The following RESP18 variants were observed in gnomAD, a reference collection of about 807,000 sequenced individuals.
The protein encoded by RESP18 is regulated endocrine-specific protein 18.
RESP18 carries 30 observed loss-of-function variants against 30.0 expected under a neutral mutation model. The observed-to-expected ratio is 1.00, with a 90% confidence interval of 0.75 to 1.36. The LOEUF (loss-of-function observed/expected upper bound fraction) is 1.36. Among genes scored for constraint, RESP18 ranks in the 40% most tolerant of loss-of-function variants. RESP18 has a pLI of 0.00. For missense variants in RESP18, 320 were observed against 284.2 expected (o/e 1.13, Z -0.91); for synonymous variants, 117 against 111.2 (o/e 1.05, Z -0.33).
In RESP18 at chr2:219,328,985, C is replaced by A. The variant is rs1422132752; in HGVS notation, c.579G>T (p.Gly193=). 6.4e-7 allele frequency: 1 copy of A among 1,551,116 alleles called. No homozygotes were observed. The highest frequency in any genetic ancestry group is 2.0e-5 in the Admixed American group (1 of 51,004). ...CCGGCGCCTGCATCATGTCCAGCCC[C>A]CCATATGAACACCTATAGGTAATCT... The change falls in exon 6 of 7, where the codon GGG becomes GGT. Residue 193 remains glycine, a synonymous_variant. Transcript: ENST00000333527.
chr2:219,330,918 C>A, intron 2 of RESP18, 43 bp from the exon 2 acceptor site: 1 of 1,133,924 alleles, frequency 8.8e-7, no homozygotes, highest in East Asian at 2.6e-5. Flanking sequence ...CTGGCCAGAG[C>A]CTTCCACATC....
intron 2 of RESP18, among the ~76,000 whole-genome samples, chr2:219,331,739 G>C (rs1952833486): frequency 6.6e-6 from 1 of 152,162 alleles, no homozygotes; most frequent in Non-Finnish European, 1.5e-5. Flanking sequence ...CCCGGAGCGC[G>C]CCTGGCGCTG....
chr2:219,330,740 C>T (rs994254254), intron 3 of RESP18, 31 bp downstream of exon 2: 32 of 1,423,306 alleles, frequency 2.2e-5, no homozygotes, highest in Non-Finnish European at 2.9e-5. Context: ...TCTAACCAGG[C>T]CCCAACCTCT....
In RESP18 at chr2:219,328,174, C is replaced by T. The variant is rs75639016; in HGVS notation, c.641-611G>A. The stretch of plus-strand genomic sequence containing the variant: ...CTTTTAAAATCATATCACGTTGTGA[C>T]ATTCCTTTCCTTAAAATTTCCCAGT... On this transcript the variant is annotated intron_variant, in intron 6 of 6. Coordinates refer to ENST00000333527, the MANE Select transcript of RESP18 (RefSeq NM_001007089.4). 4.3e-3 allele frequency among the ~76,000 whole-genome samples: 648 copies of T among 152,338 alleles called. 2 individuals are homozygous for T. The highest frequency in any genetic ancestry group is 0.015 in the African/African-American group (628 of 41,566).
chr2:219,331,653 A>G (rs1952832227), intron 2 of RESP18, among the ~76,000 whole-genome samples: 1 of 152,002 alleles, frequency 6.6e-6, no homozygotes, highest in African/African-American at 2.4e-5. Flanking sequence ...AGCTTCGGGA[A>G]GGGGAGCTGA....
chr2:219,329,781 TG>T lies in RESP18; in HGVS notation c.338-18del. On this transcript the variant is annotated intron_variant, in intron 3 of 6. Coordinates refer to ENST00000333527, the MANE Select transcript of RESP18 (RefSeq NM_001007089.4). ...AGAACAGACCTGCAGGATGAAAGGATGGGGGGTGAGTTGACACCTGAGACAC... is the reference window on the plus strand; with the variant it reads ...AGAACAGACCTGCAGGATGAAAGGATGGGGGTGAGTTGACACCTGAGACAC... 15 of 1,548,322 alleles carry T rather than the reference TG, an allele frequency of 9.7e-6. No homozygotes were observed. Among genetic ancestry groups the T allele is most frequent in the Non-Finnish European group, 1.3e-5 (15 of 1,144,456 alleles).
At chr2:219,330,277 G>T (rs565467439) in intron 3 of RESP18, among the ~76,000 whole-genome samples, 1 of 152,108 alleles carries the variant, frequency 6.6e-6, no homozygotes, top group Non-Finnish European at 1.5e-5. Flanking sequence ...ACTCAAGGAA[G>T]ATTTCCTAGC....
chr2:219,328,688 G>C (rs966551981), intron 6 of RESP18, among the ~76,000 whole-genome samples: 2 of 152,140 alleles, frequency 1.3e-5, no homozygotes, highest in Non-Finnish European at 2.9e-5. Context: ...TTCCATTCTG[G>C]ATTCTGAAGA....
Position 219,329,250 on chromosome 2 carries a change from G to C in RESP18, c.468C>G (p.Ser156Arg), listed in dbSNP as rs1336315170. 4 of 1,551,578 alleles carry C rather than the reference G, an allele frequency of 2.6e-6. No individual in the cohort carries two copies. The highest frequency in any genetic ancestry group is 3.5e-6 in the Non-Finnish European group (4 of 1,146,982). ...GATCCCTGTTCACCTTGGCCAGGGG[G>C]CTCTGTGAGGAGGGAAACCAGGAGT... The change falls in exon 5 of 7, where the codon AGC becomes AGG. Residue 156 changes from serine to arginine, a missense_variant and splice_region_variant. By Grantham distance (110) the Ser-to-Arg change is moderately radical. Transcript: ENST00000333527.
At position 219,327,833 on chromosome 2, in the gene RESP18, G is replaced by A. The variant is rs533361294; in HGVS notation, c.641-270C>T. On this transcript the variant is annotated intron_variant, in intron 6 of 6. Coordinates refer to ENST00000333527, the MANE Select transcript of RESP18 (RefSeq NM_001007089.4). ...GCACCAGGGCAACCAGTCCCCCACA[G>A]GTAGGTCTCTGTCACTTCTGTCACT... 2.0e-5 allele frequency among the ~76,000 whole-genome samples: 3 copies of A among 152,308 alleles called. No homozygotes were observed. In the East Asian group the frequency reaches 5.8e-4, roughly 29 times the overall value.
intron 1 of RESP18, among the ~76,000 whole-genome samples, chr2:219,332,950 A>G (rs2385401): frequency 0.43 from 65,392 of 152,018 alleles, 19,107 homozygotes; most frequent in African/African-American, 0.83. Flanking sequence ...TACGGGTGCA[A>G]GTTGTACCTA....
intron 1 of RESP18, 109 bp from the exon 1 acceptor site, chr2:219,332,853 C>G: frequency 1.1e-6 from 1 of 899,946 alleles, no homozygotes; most frequent in South Asian, 1.8e-5. Context: ...AATTCCTGAC[C>G]CGGCTCCTTT....
chr2:219,331,484 A>G (rs1248589073), intron 2 of RESP18, among the ~76,000 whole-genome samples: 1 of 152,166 alleles, frequency 6.6e-6, no homozygotes, highest in Non-Finnish European at 1.5e-5. Context: ...GCCATTCTGG[A>G]CAGGTCTTTA....
intron 2 of RESP18, among the ~76,000 whole-genome samples, chr2:219,331,853 T>G (rs1401902048): frequency 6.6e-6 from 1 of 152,168 alleles, no homozygotes; most frequent in Non-Finnish European, 1.5e-5. Flanking sequence ...ACGGCCCTCA[T>G]CCTCTCATTG....
At chr2:219,332,038 A>C (rs1952837070) in intron 2 of RESP18, among the ~76,000 whole-genome samples, 1 of 152,110 alleles carries the variant, frequency 6.6e-6, no homozygotes, top group Non-Finnish European at 1.5e-5. Context: ...GTCTACGCGG[A>C]TTGGTGCGGG....
chr2:219,327,660 G>T, intron 6 of RESP18, 97 bp from the exon 6 acceptor site: 1 of 1,042,780 alleles, frequency 9.6e-7, no homozygotes, highest in East Asian at 2.6e-5. Context: ...GTAACAGCCT[G>T]ATTTGAGTAA....
Position 219,327,549 on chromosome 2 carries a change from T to C in RESP18, c.655A>G (p.Thr219Ala). Residue 219 changes from threonine (T) to alanine (A), a missense_variant, in exon 7 of 7, where the codon ACT becomes GCT. Thr to Ala is a moderately conservative substitution (Grantham distance 58, BLOSUM62 0). Transcript: ENST00000333527. ...CAGGGTTGCGGCCCACAGTAGGAAG[T>C]GGCCCAGAGAAGCCCTAAAACAAGA... 1 of 1,551,614 alleles carries C rather than the reference T, an allele frequency of 6.4e-7. No individual in the cohort carries two copies. Among genetic ancestry groups the C allele is most frequent in the South Asian group, 1.2e-5 (1 of 84,054 alleles).
Position 219,332,729 on chromosome 2 carries a change from G to A in RESP18, c.27C>T (p.Val9=), listed in dbSNP as rs1364078666. ...GGGCTGCAGCTTCCCACCAGCCCGCGACTCCGAATCTGTTTAACCCTCCTC... is the reference window on the plus strand; with the variant it reads ...GGGCTGCAGCTTCCCACCAGCCCGCAACTCCGAATCTGTTTAACCCTCCTC... Residue 9 remains valine, a synonymous_variant, in exon 2 of 7, where the codon GTC becomes GTT. Transcript: ENST00000333527. The A allele has an allele frequency of 1.3e-6, 2 of 1,545,108 alleles. No individual in the cohort carries two copies. The highest frequency in any genetic ancestry group is 2.0e-5 in the Admixed American group (1 of 50,732).
Position 219,332,650 on chromosome 2 carries a change from C to T in RESP18, c.106G>A (p.Glu36Lys). The change falls in exon 2 of 7, where the codon GAG becomes AAG. Residue 36 changes from glutamate (E) to lysine (K), a missense_variant. Coordinates refer to ENST00000333527, the MANE Select transcript of RESP18 (RefSeq NM_001007089.4). ...TGTATCCTCCCAGGCTCGGCGCGCTCACTCCCCGGCCAAGTCTCAGTGAAG... is the reference window on the plus strand; with the variant it reads ...TGTATCCTCCCAGGCTCGGCGCGCTTACTCCCCGGCCAAGTCTCAGTGAAG... The T allele has an allele frequency of 6.4e-7, 1 of 1,551,356 alleles. No homozygotes were observed. The highest frequency in any genetic ancestry group is 8.7e-7 in the Non-Finnish European group (1 of 1,146,946).
Sources: allele counts gnomAD v4.1 joint callset (sites outside exome capture counted in the v4.1 genomes callset), GRCh38; gene constraint gnomAD v4.1.1; transcripts MANE v1.5; gene names NCBI Gene and HGNC (gene_info 2026-07-23, HGNC 2026-07-21).